Variants in IFFO1 observed in about 807,000 individuals in gnomAD.
The protein encoded by IFFO1 is non-homologous end joining factor IFFO1.
In IFFO1, 42 loss-of-function variants were observed where a neutral mutation model predicts 59.6. The observed-to-expected ratio is 0.70, with a 90% confidence interval of 0.55 to 0.91. The LOEUF (loss-of-function observed/expected upper bound fraction) is 0.91. Among genes scored for constraint, IFFO1 ranks in the 40% least tolerant of loss-of-function variants. The pLI is 0.00. For synonymous variants in IFFO1, 336 were observed against 342.8 expected (o/e 0.98, Z 0.22); for missense variants, 711 against 793.2 (o/e 0.90, Z 1.24).
At chr12:6,554,083 G>GA (rs1947338602) in intron 1 of IFFO1, among the ~76,000 whole-genome samples, 2 of 143,884 alleles carry the variant, frequency 1.4e-5, no homozygotes, top group Non-Finnish European at 3.1e-5. Flanking sequence ...ATCATTTATG[G>GA]GAAAAAAAAA....
In IFFO1 at chr12:6,546,041, C is replaced by T. The variant is rs141406415; in HGVS notation, c.1479+2024G>A. ...CTACAGTAAGAATGAATCTTCTATC[C>T]GTGAAATTGTAAAGAAGGAAAAAGA... On this transcript the variant is annotated intron_variant, in intron 8 of 9. Coordinates refer to ENST00000619571, the MANE Select transcript of IFFO1 (RefSeq NM_001193457.2). Among the ~76,000 whole-genome samples the T allele has an allele frequency of 5.2e-3, 785 of 152,270 alleles. 5 individuals are homozygous for T. Among genetic ancestry groups the T allele is most frequent in the Non-Finnish European group, 8.7e-3 (594 of 68,022 alleles).
In IFFO1 at chr12:6,540,012, T is replaced by A. The variant is rs1222352137; in HGVS notation, c.*471A>T. 4 of 188,124 alleles carry A rather than the reference T, an allele frequency of 2.1e-5. No homozygotes were observed. Among genetic ancestry groups the A allele is most frequent in the South Asian group, 1.6e-4 (2 of 12,348 alleles). The allele number at this position is 188,124 out of a possible 1,614,324, so 11.7% of individuals were successfully genotyped here. A position where few individuals can be genotyped will look rare whatever the true frequency, so the allele number is the denominator to read the frequency against. On this transcript the variant is annotated 3_prime_UTR_variant, in exon 10 of 10. Coordinates refer to ENST00000619571, the MANE Select transcript of IFFO1 (RefSeq NM_001193457.2). ...GCCGCTGACAGGGACAGAAGCCCTC[T>A]CCAGCTGCGTGTGCTGCAGAGGCCA... is the stretch of plus-strand genomic sequence containing the variant.
At position 6,540,282 on chromosome 12, in the gene IFFO1, T is replaced by C; in HGVS notation, c.*201A>G. ...TGTGGTGGAAATGGCCCCAGAATGG[T>C]AGGGCCAAGCCTAGCTCCAGACACC... On this transcript the variant is annotated 3_prime_UTR_variant, in exon 10 of 10. Transcript: ENST00000619571. 1 of 588,610 alleles carries C rather than the reference T, an allele frequency of 1.7e-6. No individual in the cohort carries two copies. The highest frequency in any genetic ancestry group is 3.0e-6 in the Non-Finnish European group (1 of 330,630). The allele number at this position is 588,610 out of a possible 1,614,324, so 36.5% of individuals were successfully genotyped here.
chr12:6,540,727 G>T, intron 9 of IFFO1, 139 bp from the exon 10 acceptor site: 1 of 727,154 alleles, frequency 1.4e-6, no homozygotes, highest in Non-Finnish European at 2.4e-6. Context: ...GATGGCGAGG[G>T]AGCGGCAGGG....
At chr12:6,545,132 G>A (rs1046190330) in intron 8 of IFFO1, among the ~76,000 whole-genome samples, 3 of 152,048 alleles carry the variant, frequency 2.0e-5, no homozygotes, top group East Asian at 1.9e-4. Flanking sequence ...GGAGAATGGC[G>A]TGAACCTGGG....
chr12:6,548,792 T>G lies in IFFO1; in HGVS notation c.1138A>C (p.Lys380Gln). The G allele has an allele frequency of 3.1e-6, 5 of 1,613,738 alleles. No homozygotes were observed. The South Asian group carries it at 5.5e-5, about 18-fold the overall frequency. Residue 380 changes from lysine (K) to glutamine (Q), a missense_variant, in exon 6 of 10, where the codon AAG (lysine) becomes CAG (glutamine). This residue lies in a region of IFFO1 where 579 missense variants were observed against 650.3 expected (regional missense o/e 0.89). Coordinates refer to ENST00000619571, the MANE Select transcript of IFFO1 (RefSeq NM_001193457.2). The surrounding 1 kb of genome is among the most constrained non-coding windows in gnomAD (Gnocchi z 6.1). The stretch of plus-strand genomic sequence containing the variant: ...GAGGTGTCCTCCTCGACGGCAGCCT[T>G]GCGCTCCCGCTTCCGCCCCCCCATG... ...PSMGGRKRER[K>Q]AAVEEDTSLS...
At position 6,549,392 on chromosome 12, in the gene IFFO1, G is replaced by A. The variant is rs181815706; in HGVS notation, c.1080+84C>T. 97 of 1,448,570 alleles carry A rather than the reference G, an allele frequency of 6.7e-5. No individual in the cohort carries two copies. The African/African-American group carries it at 8.5e-4, about 13-fold the overall frequency. 89.7% of individuals were successfully genotyped at this position (1,448,570 alleles called of 1,614,324 possible). ...AAAAATCCGTGCTCAAGAGCCCAGC[G>A]GGCCCAAACTGAGGGCCAGGAGGCC... On this transcript the variant is annotated intron_variant, in intron 5 of 9. Coordinates refer to ENST00000619571, the MANE Select transcript of IFFO1 (RefSeq NM_001193457.2). This position sits in a 1 kb window ranked among gnomAD's most constrained non-coding sequence, Gnocchi z 5.0.
rs937296947 is a variant in IFFO1, at chr12:6,541,397, C to A, written c.1610+115G>T. ...GCCCCACCAGGTAACTCCCAAAGGG[C>A]AGCCCCACAGCAAGATGTGACCCAG... is the stretch of plus-strand genomic sequence containing the variant. On this transcript the variant is annotated intron_variant, in intron 9 of 9. Transcript: ENST00000619571. The surrounding 1 kb of genome is among the most constrained non-coding windows in gnomAD (Gnocchi z 4.8). 8.9e-5 allele frequency: 122 copies of A among 1,368,538 alleles called. No individual in the cohort carries two copies. The highest frequency in any genetic ancestry group is 1.2e-4 in the Non-Finnish European group (116 of 998,500). The allele number at this position is 1,368,538 out of a possible 1,614,324, so 84.8% of individuals were successfully genotyped here.
In IFFO1 at chr12:6,540,500, C is replaced by T; in HGVS notation, c.1699G>A (p.Asp567Asn). The change falls in exon 10 of 10, where the codon GAC (aspartate) becomes AAC (asparagine). Residue 567 changes from aspartate to asparagine, a missense_variant. Coordinates refer to ENST00000619571, the MANE Select transcript of IFFO1 (RefSeq NM_001193457.2). ...AEDSDRDVSSDSSMR is the reference protein window; with the variant it reads ...AEDSDRDVSSNSSMR ...GCAGGTCTCTATCTCATGGAGCTGTCAGATGAGACATCGCGATCGGAGTCC... is the reference window on the plus strand; with the variant it reads ...GCAGGTCTCTATCTCATGGAGCTGTTAGATGAGACATCGCGATCGGAGTCC... The T allele has an allele frequency of 6.2e-7, 1 of 1,613,968 alleles. No homozygotes were observed. Among genetic ancestry groups the T allele is most frequent in the East Asian group, 2.2e-5 (1 of 44,880 alleles).
intron 8 of IFFO1, among the ~76,000 whole-genome samples, chr12:6,546,634 C>T (rs1946978956): frequency 6.6e-6 from 1 of 150,436 alleles, no homozygotes; most frequent in Non-Finnish European, 1.5e-5. Context: ...CAGGTGCCTG[C>T]CACCACGGCC....
At position 6,540,321 on chromosome 12, in the gene IFFO1, G is replaced by T; in HGVS notation, c.*162C>A. On this transcript the variant is annotated 3_prime_UTR_variant, in exon 10 of 10. Transcript: ENST00000619571. The stretch of plus-strand genomic sequence containing the variant: ...GCTCCAGACACCCCAGAGCCCTGGA[G>T]AAGCCAAGACTGAGGGAGAAAGCCT... 1.5e-6 allele frequency: 1 copy of T among 654,950 alleles called. No homozygotes were observed. Among genetic ancestry groups the T allele is most frequent in the Non-Finnish European group, 2.7e-6 (1 of 365,870 alleles). The allele number at this position is 654,950 out of a possible 1,614,324, so 40.6% of individuals were successfully genotyped here. A position where few individuals can be genotyped will look rare whatever the true frequency, so the allele number is the denominator to read the frequency against.
At chr12:6,550,046 G>A in intron 3 of IFFO1, 150 bp from the exon 4 acceptor site, 1 of 838,286 alleles carries the variant, frequency 1.2e-6, no homozygotes, top group Non-Finnish European at 1.8e-6. Context: ...CCTCTTCCTG[G>A]GTAGCGGTGG....
rs1169946143 is a variant in IFFO1, at chr12:6,548,639, T to C, written c.1262+29A>G. 2 of 1,613,936 alleles carry C rather than the reference T, an allele frequency of 1.2e-6. No homozygotes were observed. Among genetic ancestry groups the C allele is most frequent in the East Asian group, 2.2e-5 (1 of 44,860 alleles). On this transcript the variant is annotated intron_variant, in intron 6 of 9. Transcript: ENST00000619571. The surrounding 1 kb of genome is among the most constrained non-coding windows in gnomAD (Gnocchi z 6.1). Reference sequence around the variant, plus strand: ...GCCTCCTGGGCTGCTGTGGCGTCGGTGCTGCGGGAGCACGGCCTGCGGACT... The same window carrying C: ...GCCTCCTGGGCTGCTGTGGCGTCGGCGCTGCGGGAGCACGGCCTGCGGACT...
rs767698938 is a variant in IFFO1 at position 6,539,862 on chromosome 12, T to G, written c.*621A>C. The stretch of plus-strand genomic sequence containing the variant: ...TGTGCCCATCCCGGGCACTAAGGCC[T>G]CTTTAAAGCACGGCACCTCCACGAG... On this transcript the variant is annotated 3_prime_UTR_variant, in exon 10 of 10. Transcript: ENST00000619571. The G allele has an allele frequency of 6.4e-6, 1 of 155,290 alleles. No homozygotes were observed. 9.6% of individuals were successfully genotyped at this position (155,290 alleles called of 1,614,324 possible). A position where few individuals can be genotyped will look rare whatever the true frequency, so the allele number is the denominator to read the frequency against.
At chr12:6,550,462 C>T in intron 3 of IFFO1, 1 of 566,368 alleles carries the variant, frequency 1.8e-6, no homozygotes, top group South Asian at 2.2e-5. Context: ...TGCTCACTAA[C>T]TGCTCTGCAA....
chr12:6,551,391 C>G, intron 1 of IFFO1: 1 of 1,305,540 alleles, frequency 7.7e-7, no homozygotes, highest in Admixed American at 2.3e-5. Context: ...CCGGCCCAGT[C>G]TCCCACCTTC....
At chr12:6,542,609 C>T (rs1946768381) in intron 8 of IFFO1, among the ~76,000 whole-genome samples, 1 of 152,236 alleles carries the variant, frequency 6.6e-6, no homozygotes, top group African/African-American at 2.4e-5. Context: ...CAGGGCCAGA[C>T]AGCAGAGATG....
Position 6,548,719 on chromosome 12 carries a change from T to C in IFFO1, c.1211A>G (p.Glu404Gly), listed in dbSNP as rs764019814. The change falls in exon 6 of 10, where the codon GAG becomes GGG. Residue 404 changes from glutamate to glycine, a missense_variant. Transcript: ENST00000619571. This position sits in a 1 kb window ranked among gnomAD's most constrained non-coding sequence, Gnocchi z 6.1. ...CTCGTTGATGCTGAGGGCTGTGCTC[T>C]CCTCCTCATCCCCATCGGGCTGGCG... ...GPRQPDGDEEESTALSINEEM... is the reference protein window; with the variant it reads ...GPRQPDGDEEGSTALSINEEM... 2 of 1,614,024 alleles carry C rather than the reference T, an allele frequency of 1.2e-6. No homozygotes were observed. The highest frequency in any genetic ancestry group is 1.7e-6 in the Non-Finnish European group (2 of 1,180,006).
chr12:6,550,198 C>T, intron 3 of IFFO1: 1 of 386,166 alleles, frequency 2.6e-6, no homozygotes, highest in Non-Finnish European at 4.7e-6. Flanking sequence ...TCCTCATCCT[C>T]CTAGAACTTA....
Sources: allele counts gnomAD v4.1 joint callset (sites outside exome capture counted in the v4.1 genomes callset), GRCh38; gene constraint gnomAD v4.1.1; regional missense constraint gnomAD v4.1.1; non-coding constraint Gnocchi (gnomAD v3.1); transcripts MANE v1.5; gene names NCBI Gene and HGNC (gene_info 2026-07-23, HGNC 2026-07-21).